Variants in SETX observed in about 807,000 individuals in gnomAD.
SETX encodes helicase senataxin.
Under a neutral mutation model 227.2 loss-of-function variants are expected in SETX, and 90 were observed. The ratio of observed to expected loss-of-function variants is 0.40; its 90% confidence interval spans 0.33 to 0.47. SETX has a LOEUF of 0.47. Ranked by LOEUF, SETX falls within the 20% of genes least tolerant of loss-of-function variation. The pLI, the probability that SETX is intolerant of heterozygous loss-of-function variation, is 0.91. For synonymous variants in SETX, 1,210 were observed against 1,113.2 expected (o/e 1.09, Z -1.73); for missense variants, 3,052 against 3,181.5 (o/e 0.96, Z 0.98).
In SETX at chr9:132,328,141, A is replaced by T. The variant is rs773685806; in HGVS notation, c.3457T>A (p.Cys1153Ser). The T allele has an allele frequency of 6.2e-7, 1 of 1,614,060 alleles. No individual in the cohort carries two copies. The highest frequency in any genetic ancestry group is 1.1e-5 in the South Asian group (1 of 91,050). Reference protein sequence around the residue: ...RPRSISVEEFCEIEVKKPKRK... With the variant: ...RPRSISVEEFSEIEVKKPKRK... ...TTAGGCTTTTTTACTTCAATTTCAC[A>T]AAATTCTTCAACAGAAATACTCCGT... The change falls in exon 10 of 26, where the codon TGT becomes AGT. Residue 1153 changes from cysteine (C) to serine (S), a missense_variant. This residue lies in a region of SETX where 1,483 missense variants were observed against 1,312.0 expected (regional missense o/e 1.13). Coordinates refer to ENST00000224140, the MANE Select transcript of SETX (RefSeq NM_015046.7).
chr9:132,346,826 A>G (rs1354525932), intron 3 of SETX, among the ~76,000 whole-genome samples: 5 of 151,908 alleles, frequency 3.3e-5, no homozygotes, highest in African/African-American at 9.7e-5. Flanking sequence ...GGTGTGGTGC[A>G]TGCCTACAGT....
chr9:132,328,104 G>A lies in SETX; in HGVS notation c.3494C>T (p.Ser1165Phe). The change falls in exon 10 of 26, where the codon TCT becomes TTT. Residue 1165 changes from serine (S) to phenylalanine (F), a missense_variant. Physicochemically the swap from Ser to Phe is radical, Grantham distance 155. This residue lies in a region of SETX where 1,483 missense variants were observed against 1,312.0 expected (regional missense o/e 1.13). Coordinates refer to ENST00000224140, the MANE Select transcript of SETX (RefSeq NM_015046.7). Reference sequence around the variant, plus strand: ...AGGATCTTCAGCCATTGGTTTTTCAGATCGTTTTCTCTTAGGCTTTTTTAC... The same window carrying A: ...AGGATCTTCAGCCATTGGTTTTTCAAATCGTTTTCTCTTAGGCTTTTTTAC... ...IEVKKPKRKR[S>F]EKPMAEDPVR... The A allele has an allele frequency of 6.2e-7, 1 of 1,613,994 alleles. No homozygotes were observed. The highest frequency in any genetic ancestry group is 1.1e-5 in the South Asian group (1 of 91,068).
chr9:132,273,399 G>A (rs1272786875), intron 23 of SETX, among the ~76,000 whole-genome samples: 1 of 152,162 alleles, frequency 6.6e-6, no homozygotes, highest in Non-Finnish European at 1.5e-5. Context: ...CTGACCTCAG[G>A]TGATCCACCC....
In SETX at chr9:132,329,653, GTTC is replaced by G. The variant is rs1246814369; in HGVS notation, c.1942_1944del (p.Glu648del). 1.2e-6 allele frequency: 2 copies of G among 1,613,562 alleles called. No homozygotes were observed. The highest frequency in any genetic ancestry group is 1.1e-5 in the South Asian group (1 of 90,990). ...AATACACTGTCTTGCACTTTCATTGGTTCTTTAGAAAATGTTGGGCTGGAAGCT... is the reference window on the plus strand; with the variant it reads ...AATACACTGTCTTGCACTTTCATTGGTTTAGAAAATGTTGGGCTGGAAGCT... On this transcript the variant is annotated inframe_deletion, in exon 10 of 26. Transcript: ENST00000224140.
intron 5 of SETX, among the ~76,000 whole-genome samples, 183 bp downstream of exon 5, chr9:132,342,507 C>G (rs1465364622): frequency 3.3e-5 from 5 of 152,200 alleles, no homozygotes; most frequent in African/African-American, 1.2e-4. Flanking sequence ...TAAGTATCCC[C>G]TACCCTCTGA....
intron 13 of SETX, among the ~76,000 whole-genome samples, chr9:132,297,701 C>T (rs1247029165): frequency 6.6e-6 from 1 of 152,238 alleles, no homozygotes; most frequent in Non-Finnish European, 1.5e-5. Context: ...AGAGTTTATA[C>T]ACAGCTTCAC....
intron 5 of SETX, among the ~76,000 whole-genome samples, chr9:132,341,668 G>T (rs139267288): frequency 1.5e-3 from 224 of 152,270 alleles, no homozygotes; most frequent in African/African-American, 4.5e-3. Flanking sequence ...CTTTTAAAAA[G>T]CCAGTGAACC....
Position 132,261,453 on chromosome 9 carries a change from T to C in SETX, c.*2786A>G, listed in dbSNP as rs1012150488. 2.0e-5 allele frequency: 3 copies of C among 152,278 alleles called. No individual in the cohort carries two copies. Among genetic ancestry groups the C allele is most frequent in the Non-Finnish European group, 4.4e-5 (3 of 68,048 alleles). The allele number at this position is 152,278 out of a possible 1,614,324, so 9.4% of individuals were successfully genotyped here. On this transcript the variant is annotated 3_prime_UTR_variant, in exon 26 of 26. Coordinates refer to ENST00000224140, the MANE Select transcript of SETX (RefSeq NM_015046.7). ...TGGCAGACGAAATGATGTTAGTACC[T>C]TGTAGTTTACTTCATAATACATAAC...
intron 21 of SETX, among the ~76,000 whole-genome samples, chr9:132,277,788 T>TC (rs1491152919): frequency 2.5e-5 from 1 of 40,346 alleles, no homozygotes; most frequent in Non-Finnish European, 3.8e-5. Context: ...GACCCTGTCT[T>TC]CAAAAAAAAA....
At chr9:132,352,376 T>C (rs1458248372) in intron 2 of SETX, among the ~76,000 whole-genome samples, 1 of 152,204 alleles carries the variant, frequency 6.6e-6, no homozygotes, top group African/African-American at 2.4e-5. Context: ...CTTCATTCAG[T>C]ACTCTTTCTG....
chr9:132,318,001 A>T (rs1169889521), intron 10 of SETX, among the ~76,000 whole-genome samples: 1 of 151,998 alleles, frequency 6.6e-6, no homozygotes, highest in African/African-American at 2.4e-5. Flanking sequence ...TCTCTCCGAG[A>T]TCCTTATTAC....
At position 132,342,671 on chromosome 9, in the gene SETX, GC is replaced by G; in HGVS notation, c.498+18del. 3 of 1,503,414 alleles carry G rather than the reference GC, an allele frequency of 2.0e-6. No homozygotes were observed. Among genetic ancestry groups the G allele is most frequent in the Non-Finnish European group, 2.8e-6 (3 of 1,079,080 alleles). 93.1% of individuals were successfully genotyped at this position (1,503,414 alleles called of 1,614,324 possible). A position where few individuals can be genotyped will look rare whatever the true frequency, so the allele number is the denominator to read the frequency against. ...CAAAAGCACAATATACCCTTCTATC[GC>G]CCAACACTCACACTCACCATTTCAT... On this transcript the variant is annotated intron_variant, in intron 5 of 25. Coordinates refer to ENST00000224140, the MANE Select transcript of SETX (RefSeq NM_015046.7).
chr9:132,343,651 C>T (rs537080689), intron 4 of SETX, among the ~76,000 whole-genome samples: 2 of 151,934 alleles, frequency 1.3e-5, no homozygotes, highest in East Asian at 1.9e-4. Flanking sequence ...CAGTGGTTGG[C>T]TTTAGGGATG....
rs118125212 is a variant in SETX at position 132,294,068 on chromosome 9, G to A, written c.6106+1804C>T. On this transcript the variant is annotated intron_variant, in intron 15 of 25. Coordinates refer to ENST00000224140, the MANE Select transcript of SETX (RefSeq NM_015046.7). Reference sequence around the variant, plus strand: ...AATAAATATCCAACCTAGACACCTCGTTTGCCTCACCTTAGTCCTGGCCCG... The same window carrying A: ...AATAAATATCCAACCTAGACACCTCATTTGCCTCACCTTAGTCCTGGCCCG... 9.1e-3 allele frequency among the ~76,000 whole-genome samples: 1,390 copies of A among 152,140 alleles called. 15 individuals are homozygous for A. The highest frequency in any genetic ancestry group is 0.012 in the Non-Finnish European group (832 of 68,008).
At chr9:132,350,245 G>A (rs1350281926) in intron 2 of SETX, among the ~76,000 whole-genome samples, 1 of 152,148 alleles carries the variant, frequency 6.6e-6, no homozygotes, top group Non-Finnish European at 1.5e-5. Context: ...AGCTGCTTGG[G>A]AGGCTGAGGC....
intron 24 of SETX, among the ~76,000 whole-genome samples, chr9:132,271,255 G>A (rs1842887465): frequency 6.6e-6 from 1 of 150,422 alleles, no homozygotes; most frequent in Non-Finnish European, 1.5e-5. Context: ...TTCACACTAT[G>A]AAATGGGTTA....
intron 15 of SETX, among the ~76,000 whole-genome samples, chr9:132,294,015 C>T (rs7850644): frequency 0.26 from 39,163 of 151,814 alleles, 6,498 homozygotes; most frequent in East Asian, 0.67. Context: ...CAGGGTGAGA[C>T]TCCGTCTCAA....
At chr9:132,355,055 G>GCCGGCCGCAGGCCCCGCC (rs1395321644), upstream of SETX, 1 of 151,486 alleles carries the variant, frequency 6.6e-6, no homozygotes, top group African/African-American at 2.4e-5. Context: ...CGCTGAGTCG[G>GCCGGCCGCAGGCCCCGCC]CCGGCCGCAG....
chr9:132,274,278 C>T (rs539581370), intron 23 of SETX, among the ~76,000 whole-genome samples: 2 of 152,090 alleles, frequency 1.3e-5, no homozygotes, highest in Non-Finnish European at 2.9e-5. Context: ...GTAATACTGG[C>T]TTCAAAAAAT....
Sources: allele counts gnomAD v4.1 joint callset (sites outside exome capture counted in the v4.1 genomes callset), GRCh38; gene constraint gnomAD v4.1.1; regional missense constraint gnomAD v4.1.1; transcripts MANE v1.5; gene names NCBI Gene and HGNC (gene_info 2026-07-23, HGNC 2026-07-21).